The following SYNJ2BP variants were observed in gnomAD, a reference collection of about 807,000 sequenced individuals.
The protein encoded by SYNJ2BP is synaptojanin 2 binding protein, also known as synaptojanin-2-binding protein.
A neutral mutation model predicts 16.9 loss-of-function variants in SYNJ2BP; 10 were observed. The ratio of observed to expected loss-of-function variants is 0.59; its 90% CI spans 0.36 to 1.00. The LOEUF is 1.00. SYNJ2BP is among the 50% of genes least tolerant of loss of function. The probability of loss-of-function intolerance (pLI) is 0.01; values close to 1 mark genes in which losing one functional copy is unlikely to be tolerated. For synonymous variants in SYNJ2BP, 54 were observed against 68.4 expected (o/e 0.79, Z 1.04); for missense variants, 162 against 186.7 (o/e 0.87, Z 0.77).
chr14:70,401,261 T>C (rs1444187523), intron 1 of SYNJ2BP, among the ~76,000 whole-genome samples: 1 of 152,108 alleles, frequency 6.6e-6, no homozygotes, highest in African/African-American at 2.4e-5. Flanking sequence ...TAATAAGAGA[T>C]TTGAAAAGAT....
At chr14:70,391,750 T>C (rs1887984960) in intron 1 of SYNJ2BP, among the ~76,000 whole-genome samples, 1 of 152,078 alleles carries the variant, frequency 6.6e-6, no homozygotes, top group South Asian at 2.1e-4. Context: ...GTAGAAGAAA[T>C]TTTACCGAGA....
chr14:70,413,959 C>T (rs934813667), intron 1 of SYNJ2BP, among the ~76,000 whole-genome samples: 13 of 152,262 alleles, frequency 8.5e-5, no homozygotes, highest in African/African-American at 3.1e-4. Flanking sequence ...GAAATGCATA[C>T]TTAGAGGATT....
At chr14:70,385,526 C>T (rs1296033061) in intron 2 of SYNJ2BP, among the ~76,000 whole-genome samples, 1 of 151,754 alleles carries the variant, frequency 6.6e-6, no homozygotes, top group Non-Finnish European at 1.5e-5. Context: ...GCGCGTGCCA[C>T]CATGCCCACC....
chr14:70,380,157 A>C (rs1477486250), intron 2 of SYNJ2BP, among the ~76,000 whole-genome samples: 1 of 152,200 alleles, frequency 6.6e-6, no homozygotes, highest in Non-Finnish European at 1.5e-5. Context: ...TTTATCTGTG[A>C]GCAAACAGAA....
intron 1 of SYNJ2BP, among the ~76,000 whole-genome samples, chr14:70,394,478 GTGAA>G (rs1888048461): frequency 1.6e-5 from 2 of 123,390 alleles, no homozygotes; most frequent in Non-Finnish European, 1.7e-5. Context: ...TTTTTTTTTA[GTGAA>G]TGAATGAAGA....
At chr14:70,410,534 C>A (rs1196457286) in intron 1 of SYNJ2BP, among the ~76,000 whole-genome samples, 2 of 152,054 alleles carry the variant, frequency 1.3e-5, no homozygotes, top group Non-Finnish European at 2.9e-5. Context: ...CTAGACAAAG[C>A]ATTAAAAAAA....
chr14:70,413,945 A>C (rs1287180175), intron 1 of SYNJ2BP, among the ~76,000 whole-genome samples: 1 of 152,248 alleles, frequency 6.6e-6, no homozygotes, highest in East Asian at 1.9e-4. Flanking sequence ...TGCTGCCTAC[A>C]AAAGAAATGC....
intron 1 of SYNJ2BP, among the ~76,000 whole-genome samples, chr14:70,412,550 GTA>G (rs199796294): frequency 7.7e-3 from 592 of 77,174 alleles, no homozygotes; most frequent in Admixed American, 8.6e-3. Flanking sequence ...TATATATACA[GTA>G]TATATATGTA....
intron 1 of SYNJ2BP, among the ~76,000 whole-genome samples, chr14:70,393,147 A>C (rs1057372862): frequency 6.6e-6 from 1 of 152,230 alleles, no homozygotes; most frequent in Non-Finnish European, 1.5e-5. Context: ...AAAGTGGGCA[A>C]AGGATATGAA....
rs1887454038 is a variant in SYNJ2BP at position 70,368,850 on chromosome 14, G to A, written c.*4141C>T. The A allele has an allele frequency of 6.6e-6, 1 of 152,144 alleles. No individual in the cohort carries two copies. The highest frequency in any genetic ancestry group is 6.6e-5 in the Admixed American group (1 of 15,260). The allele number at this position is 152,144 out of a possible 1,614,324, so 9.4% of individuals were successfully genotyped here. On this transcript the variant is annotated 3_prime_UTR_variant, in exon 4 of 4. Coordinates refer to ENST00000256366, the MANE Select transcript of SYNJ2BP (RefSeq NM_018373.3). Reference sequence around the variant, plus strand: ...ACTCAATGAACTTTATTTTACTGCTGCTTGAGTCCCACCCTCAGAGGTTCC... The same window carrying A: ...ACTCAATGAACTTTATTTTACTGCTACTTGAGTCCCACCCTCAGAGGTTCC...
Position 70,388,681 on chromosome 14 carries a change from G to T in SYNJ2BP, c.65-75C>A, listed in dbSNP as rs1355824900. The T allele has an allele frequency of 2.1e-6, 3 of 1,399,502 alleles. No homozygotes were observed. In the African/African-American group the frequency reaches 4.4e-5, roughly 21 times the overall value. The allele number at this position is 1,399,502 out of a possible 1,614,324, so 86.7% of individuals were successfully genotyped here. A position where few individuals can be genotyped will look rare whatever the true frequency, so the allele number is the denominator to read the frequency against. ...GAGATTAGAGAAGATGAAGAGAAAG[G>T]GAGGGAAAGCCTACTGGGGAGGAAA... On this transcript the variant is annotated intron_variant, in intron 1 of 3. Coordinates refer to ENST00000256366, the MANE Select transcript of SYNJ2BP (RefSeq NM_018373.3).
chr14:70,417,017 G>A lies in SYNJ2BP; in HGVS notation c.-54C>T. The A allele has an allele frequency of 5.6e-6, 9 of 1,613,474 alleles. No individual in the cohort carries two copies. Among genetic ancestry groups the A allele is most frequent in the South Asian group, 1.1e-5 (1 of 90,982 alleles). On this transcript the variant is annotated 5_prime_UTR_variant, in exon 1 of 4. Coordinates refer to ENST00000256366, the MANE Select transcript of SYNJ2BP (RefSeq NM_018373.3). The stretch of plus-strand genomic sequence containing the variant: ...GGGTCAGCTGGAGTGCAGCACAGGT[G>A]AAGGTGAATCAATCTCGGCGCTGCG...
At chr14:70,391,525 G>A (rs913442118) in intron 1 of SYNJ2BP, among the ~76,000 whole-genome samples, 1 of 152,176 alleles carries the variant, frequency 6.6e-6, no homozygotes, top group Admixed American at 6.5e-5. Flanking sequence ...CTTTGAACAA[G>A]GGGGCCAAGG....
chr14:70,415,164 C>T (rs562032031), intron 1 of SYNJ2BP, among the ~76,000 whole-genome samples: 1 of 94,210 alleles, frequency 1.1e-5, no homozygotes, highest in Non-Finnish European at 2.1e-5. Flanking sequence ...CAAAGTGAGA[C>T]CTCGTCTCTA....
At chr14:70,398,586 G>A (rs940820236) in intron 1 of SYNJ2BP, among the ~76,000 whole-genome samples, 1 of 152,216 alleles carries the variant, frequency 6.6e-6, no homozygotes, top group African/African-American at 2.4e-5. Context: ...ACTGAGATCA[G>A]AGCAGGCACT....
chr14:70,382,360 A>G (rs1887770381), intron 2 of SYNJ2BP, among the ~76,000 whole-genome samples: 1 of 152,220 alleles, frequency 6.6e-6, no homozygotes, highest in Non-Finnish European at 1.5e-5. Context: ...CTTCAAATAC[A>G]CACACACACT....
At chr14:70,408,101 G>A (rs1480364104) in intron 1 of SYNJ2BP, among the ~76,000 whole-genome samples, 1 of 150,034 alleles carries the variant, frequency 6.7e-6, no homozygotes, top group Admixed American at 6.6e-5. Context: ...GCTTCTAACA[G>A]GTTTTTTTTT....
At chr14:70,397,269 T>C (rs959855725) in intron 1 of SYNJ2BP, among the ~76,000 whole-genome samples, 1 of 152,160 alleles carries the variant, frequency 6.6e-6, no homozygotes, top group Non-Finnish European at 1.5e-5. Context: ...GTGTTCTATA[T>C]ATATATATAC....
chr14:70,382,638 A>G (rs1040868812), intron 2 of SYNJ2BP, among the ~76,000 whole-genome samples: 1 of 152,184 alleles, frequency 6.6e-6, no homozygotes, highest in Non-Finnish European at 1.5e-5. Context: ...CCCAGAATTA[A>G]CTTGCTACTT....
Sources: allele counts gnomAD v4.1 joint callset (sites outside exome capture counted in the v4.1 genomes callset), GRCh38; gene constraint gnomAD v4.1.1; transcripts MANE v1.5; gene names NCBI Gene and HGNC (gene_info 2026-07-23, HGNC 2026-07-21).